The following ENPP3 variants were observed in gnomAD, a reference collection of about 807,000 sequenced individuals.
The protein encoded by ENPP3 is ectonucleotide pyrophosphatase/phosphodiesterase 3.
Under a neutral mutation model 117.8 loss-of-function variants are expected in ENPP3, and 104 were observed. The ratio of observed to expected loss-of-function variants is 0.88; its 90% CI spans 0.75 to 1.04. The LOEUF (loss-of-function observed/expected upper bound fraction) is 1.04. Ranked by LOEUF, ENPP3 falls within the 50% of genes least tolerant of loss-of-function variation. The pLI is 0.00. For synonymous variants in ENPP3, 380 were observed against 349.9 expected (o/e 1.09, Z -0.96); for missense variants, 1,026 against 1,051.9 (o/e 0.98, Z 0.34).
chr6:131,724,226 T>TAAAAAAAAAAAAAAAAAAAAAAAAAA (rs397941468), intron 19 of ENPP3, 135 bp downstream of exon 19: 5 of 424,252 alleles, frequency 1.2e-5, no homozygotes, highest in South Asian at 6.8e-5. Flanking sequence ...ATACAAAAGG[T>TAAAAAAAAAAAAAAAAAAAAAAAAAA]AAAAAAAAAA....
intron 11 of ENPP3, among the ~76,000 whole-genome samples, chr6:131,679,523 T>C (rs1044444936): frequency 1.3e-5 from 2 of 151,738 alleles, no homozygotes; most frequent in African/African-American, 2.4e-5. Flanking sequence ...TTTTTTTTTT[T>C]TTTTTCCATT....
chr6:131,744,321 T>G (rs1454345065), intron 24 of ENPP3, among the ~76,000 whole-genome samples: 2 of 152,190 alleles, frequency 1.3e-5, no homozygotes, highest in Non-Finnish European at 2.9e-5. Context: ...TGACTTTCAT[T>G]GTAAGTTACT....
intron 12 of ENPP3, among the ~76,000 whole-genome samples, chr6:131,683,398 A>G (rs1302190358): frequency 6.6e-6 from 1 of 152,244 alleles, no homozygotes; most frequent in Admixed American, 6.5e-5. Flanking sequence ...TTGTAAAAGT[A>G]GAGTTAATGA....
In ENPP3 at chr6:131,718,391, G is replaced by A. The variant is rs553294485; in HGVS notation, c.1413-281G>A. Among the ~76,000 whole-genome samples, 68 of 151,978 alleles carry A rather than the reference G, an allele frequency of 4.5e-4. 1 individual carries two copies. The South Asian group carries it at 0.014, about 31-fold the overall frequency. ...CCTTAGTCAGTATCTATCAGTCAGAGACTTTTGAATTCTATTTATAGATCC... is the reference window on the plus strand; with the variant it reads ...CCTTAGTCAGTATCTATCAGTCAGAAACTTTTGAATTCTATTTATAGATCC... On this transcript the variant is annotated intron_variant, in intron 15 of 24. Transcript: ENST00000357639.
intron 1 of ENPP3, 151 bp downstream of exon 1, chr6:131,637,613 A>T: frequency 2.3e-6 from 1 of 430,058 alleles, no homozygotes; most frequent in Non-Finnish European, 4.2e-6. Flanking sequence ...CTCTAATGCA[A>T]ATTAATATCT....
chr6:131,718,054 A>G (rs1401784313), intron 15 of ENPP3, among the ~76,000 whole-genome samples: 4 of 152,216 alleles, frequency 2.6e-5, no homozygotes, highest in African/African-American at 9.6e-5. Flanking sequence ...TGTTTCCACA[A>G]TGATAAACTT....
At chr6:131,708,571 A>G (rs1253278147) in intron 15 of ENPP3, 52 of 1,506,446 alleles carry the variant, frequency 3.5e-5, no homozygotes, top group Non-Finnish European at 4.4e-5. Flanking sequence ...ATCAGTCAAA[A>G]TTACTTTTGA....
At chr6:131,673,713 AC>A (rs1350739330) in intron 7 of ENPP3, among the ~76,000 whole-genome samples, 93 of 152,174 alleles carry the variant, frequency 6.1e-4, no homozygotes, top group African/African-American at 2.1e-3. Context: ...AGACAGACAG[AC>A]AGACAGAAAG....
Position 131,726,115 on chromosome 6 carries a change from G to A in ENPP3, c.1868G>A (p.Cys623Tyr). 6.2e-7 allele frequency: 1 copy of A among 1,613,690 alleles called. No homozygotes were observed. Among genetic ancestry groups the A allele is most frequent in the Non-Finnish European group, 8.5e-7 (1 of 1,179,604 alleles). The change falls in exon 20 of 25, where the codon TGT (cysteine) becomes TAT (tyrosine). Residue 623 changes from cysteine to tyrosine, a missense_variant. Transcript: ENST00000357639. ...GTACTGCAGAAGAACGTGGACCACTGTCTCCTTTACCACAGGGAATATGTC... is the reference window on the plus strand; with the variant it reads ...GTACTGCAGAAGAACGTGGACCACTATCTCCTTTACCACAGGGAATATGTC... ...PRVLQKNVDHCLLYHREYVSG... is the reference protein window; with the variant it reads ...PRVLQKNVDHYLLYHREYVSG...
At chr6:131,659,969 A>G (rs1458748973) in intron 6 of ENPP3, among the ~76,000 whole-genome samples, 2 of 152,228 alleles carry the variant, frequency 1.3e-5, no homozygotes, top group Non-Finnish European at 2.9e-5. Context: ...TCAGCCACTA[A>G]GAGCTTTCTG....
At position 131,700,657 on chromosome 6, in the gene ENPP3, G is replaced by A. The variant is rs1366993856; in HGVS notation, c.1412+7033G>A. 9 of 1,558,502 alleles carry A rather than the reference G, an allele frequency of 5.8e-6. 1 individual carries two copies. The highest frequency in any genetic ancestry group is 7.7e-6 in the Non-Finnish European group (9 of 1,166,042). ...ATGATAATGGCTGTGCCATAAACGA[G>A]TCCAATCACACAGAGGTGGGAGAAG... On this transcript the variant is annotated intron_variant, in intron 15 of 24. Transcript: ENST00000357639.
At position 131,637,303 on chromosome 6, in the gene ENPP3, TAC is replaced by T; in HGVS notation, c.-80_-79del. On this transcript the variant is annotated 5_prime_UTR_variant, in exon 1 of 25. Transcript: ENST00000357639. Reference sequence around the variant, plus strand: ...AAGTCAGGCACAGCTATGTAACTCATACAGTTTCTCTTTGCCAGACTAGACTA... The same window carrying T: ...AAGTCAGGCACAGCTATGTAACTCATAGTTTCTCTTTGCCAGACTAGACTA... The T allele has an allele frequency of 1.2e-6, 1 of 815,872 alleles. No individual in the cohort carries two copies. 50.5% of individuals were successfully genotyped at this position (815,872 alleles called of 1,614,324 possible).
At chr6:131,714,671 C>T (rs888915074) in intron 15 of ENPP3, among the ~76,000 whole-genome samples, 1 of 129,400 alleles carries the variant, frequency 7.7e-6, no homozygotes, top group Non-Finnish European at 1.5e-5. Context: ...TATAAATATA[C>T]AGCTCTGTAA....
At chr6:131,651,799 C>T (rs1778269115) in intron 3 of ENPP3, among the ~76,000 whole-genome samples, 1 of 152,076 alleles carries the variant, frequency 6.6e-6, no homozygotes, top group Non-Finnish European at 1.5e-5. Context: ...TACTTAATCT[C>T]CAAAAATCTT....
At chr6:131,678,377 A>G (rs576489743) in intron 11 of ENPP3, among the ~76,000 whole-genome samples, 2 of 152,308 alleles carry the variant, frequency 1.3e-5, no homozygotes, top group Admixed American at 1.3e-4. Flanking sequence ...TTAACATGTT[A>G]TTGCCTCAGG....
At chr6:131,672,604 T>C (rs1337089326) in intron 7 of ENPP3, among the ~76,000 whole-genome samples, 2 of 152,126 alleles carry the variant, frequency 1.3e-5, no homozygotes, top group African/African-American at 4.8e-5. Flanking sequence ...TCAGTAATCA[T>C]TAATTTAGTG....
chr6:131,670,107 G>T (rs1339052948), intron 6 of ENPP3, among the ~76,000 whole-genome samples: 3 of 152,210 alleles, frequency 2.0e-5, no homozygotes, highest in African/African-American at 7.2e-5. Context: ...CTAAATTGCT[G>T]TCATACTTTG....
chr6:131,676,034 CGTT>C (rs1370800104), intron 9 of ENPP3, among the ~76,000 whole-genome samples: 4 of 152,066 alleles, frequency 2.6e-5, no homozygotes, highest in Non-Finnish European at 5.9e-5. Flanking sequence ...ACTCTGAACT[CGTT>C]GGTGGACTTC....
chr6:131,745,110 A>C (rs1314664397), intron 24 of ENPP3, among the ~76,000 whole-genome samples: 2 of 152,162 alleles, frequency 1.3e-5, no homozygotes, highest in Non-Finnish European at 2.9e-5. Flanking sequence ...GTAAGTCAGG[A>C]GAGAGTAGAG....
Sources: allele counts gnomAD v4.1 joint callset (sites outside exome capture counted in the v4.1 genomes callset), GRCh38; gene constraint gnomAD v4.1.1; transcripts MANE v1.5; gene names NCBI Gene and HGNC (gene_info 2026-07-23, HGNC 2026-07-21).